CACNA1C: variants seen among roughly 807,000 people sequenced by gnomAD.
CACNA1C encodes the protein calcium voltage-gated channel subunit alpha1 C.
CACNA1C carries 30 observed loss-of-function variants against 229.0 expected under a neutral mutation model. That is an observed-to-expected ratio of 0.13 (90% confidence interval 0.10 to 0.18). The LOEUF (loss-of-function observed/expected upper bound fraction) is 0.18, where lower values mean the gene tolerates loss of function less well. Among genes scored for constraint, CACNA1C ranks in the 10% least tolerant of loss-of-function variants. The probability of loss-of-function intolerance (pLI) is 1.00; values close to 1 mark genes in which losing one functional copy is unlikely to be tolerated. For synonymous variants in CACNA1C, 1,114 were observed against 1,132.5 expected (o/e 0.98, Z 0.33); for missense variants, 1,658 against 2,845.0 (o/e 0.58, Z 9.49).
intron 1 of CACNA1C, among the ~76,000 whole-genome samples, chr12:2,056,195 GA>G (rs1261646696): frequency 2.0e-5 from 2 of 102,510 alleles, no homozygotes; most frequent in Non-Finnish European, 3.9e-5. Context: ...GAGTGTGTGT[GA>G]GTGTGTGTGT....
intron 13 of CACNA1C, among the ~76,000 whole-genome samples, chr12:2,572,869 T>C (rs1180392354): frequency 4.7e-5 from 4 of 84,494 alleles, no homozygotes; most frequent in African/African-American, 9.2e-5. Context: ...TCCTCCTCCT[T>C]CTCTTCTTCT....
chr12:2,016,246 T>A (rs1391307220), intron 1 of CACNA1C, among the ~76,000 whole-genome samples: 1 of 152,154 alleles, frequency 6.6e-6, no homozygotes, highest in Admixed American at 6.5e-5. Flanking sequence ...GCCAAGTACT[T>A]ATCAGGTCCC....
chr12:2,393,705 C>G (rs145371261), intron 3 of CACNA1C, among the ~76,000 whole-genome samples: 1 of 152,304 alleles, frequency 6.6e-6, no homozygotes, highest in Non-Finnish European at 1.5e-5. Flanking sequence ...TGGTTTAAAT[C>G]CTTGGCAGGT....
chr12:2,478,924 C>G (rs974749956), intron 5 of CACNA1C, among the ~76,000 whole-genome samples: 1 of 152,214 alleles, frequency 6.6e-6, no homozygotes, highest in African/African-American at 2.4e-5. Context: ...GAACCTTGAT[C>G]ATCTGGGGAA....
intron 1 of CACNA1C, among the ~76,000 whole-genome samples, chr12:2,077,267 C>T (rs2063549998): frequency 1.3e-5 from 2 of 152,238 alleles, no homozygotes; most frequent in African/African-American, 4.8e-5. Context: ...AGGGTTCAGA[C>T]TTTGCAATTG....
chr12:2,633,551 C>G lies in CACNA1C; in HGVS notation c.3829-746C>G, dbSNP rs1237810744. 3.5e-6 allele frequency: 3 copies of G among 863,010 alleles called. No individual in the cohort carries two copies. The highest frequency in any genetic ancestry group is 5.9e-6 in the Non-Finnish European group (3 of 505,180). 53.5% of individuals were successfully genotyped at this position (863,010 alleles called of 1,614,324 possible). On this transcript the variant is annotated intron_variant, in intron 29 of 46. Coordinates refer to ENST00000399655, the MANE Select transcript of CACNA1C (RefSeq NM_000719.7). The surrounding 1 kb of genome is among the most constrained non-coding windows in gnomAD (Gnocchi z 5.8). ...ACACGGAGGTGCCTGGACGATGATT[C>G]TGATGGTGGTGTTGCTCTGTTCTTG... is the stretch of plus-strand genomic sequence containing the variant.
rs1199719437 is a variant in CACNA1C at position 2,597,429 on chromosome 12, T to A, written c.2853+140T>A. 1 of 1,604,832 alleles carries A rather than the reference T, an allele frequency of 6.2e-7. No individual in the cohort carries two copies. The highest frequency in any genetic ancestry group is 1.7e-5 in the Admixed American group (1 of 59,998). ...AGAGCCACTAATCCAATTATGCTTATTTTTCAGATCCTAGGCAATGCAGAC... is the reference window on the plus strand; with the variant it reads ...AGAGCCACTAATCCAATTATGCTTAATTTTCAGATCCTAGGCAATGCAGAC... On this transcript the variant is annotated intron_variant, in intron 21 of 46. Transcript: ENST00000399655. The surrounding 1 kb of genome is among the most constrained non-coding windows in gnomAD (Gnocchi z 4.3).
chr12:2,110,894 A>G (rs575964314), intron 1 of CACNA1C, among the ~76,000 whole-genome samples: 98 of 136,074 alleles, frequency 7.2e-4, no homozygotes, highest in Middle Eastern at 4.1e-3. Context: ...TACTTGGAGA[A>G]GGGGAGGCCC....
At chr12:2,622,174 G>T (rs1347936977) in intron 29 of CACNA1C, among the ~76,000 whole-genome samples, 2 of 152,170 alleles carry the variant, frequency 1.3e-5, no homozygotes, top group African/African-American at 4.8e-5. Flanking sequence ...GAAAGAAACG[G>T]TCCTCCAGGC....
At chr12:2,606,548 A>C (rs2075439649) in intron 24 of CACNA1C, 63 bp from the exon 25 acceptor site, 1 of 1,364,876 alleles carries the variant, frequency 7.3e-7, no homozygotes, top group South Asian at 1.2e-5. Flanking sequence ...ATGCTCACTA[A>C]TTGCTTTTGG....
rs1448394760 is a variant in CACNA1C, at chr12:2,501,642, T to A, written c.1114-3200T>A. On this transcript the variant is annotated intron_variant, in intron 7 of 46. Coordinates refer to ENST00000399655, the MANE Select transcript of CACNA1C (RefSeq NM_000719.7). ...GGTCAGGCAGCTCATGTGGCTCTCA[T>A]GCCTTTCTCTCCCTAATCTCATGTC... Among the ~76,000 whole-genome samples the A allele has an allele frequency of 2.6e-5, 4 of 152,256 alleles. No individual in the cohort carries two copies. The East Asian group carries it at 7.7e-4, about 29-fold the overall frequency.
At chr12:2,603,963 G>A (rs1406839961) in intron 22 of CACNA1C, among the ~76,000 whole-genome samples, 3 of 152,188 alleles carry the variant, frequency 2.0e-5, no homozygotes, top group Non-Finnish European at 4.4e-5. Flanking sequence ...TGAATGGACC[G>A]AGTGGGGAAC....
At chr12:2,291,070 A>G (rs2093449079) in intron 3 of CACNA1C, among the ~76,000 whole-genome samples, 1 of 152,200 alleles carries the variant, frequency 6.6e-6, no homozygotes, top group South Asian at 2.1e-4. Flanking sequence ...GCTGAGTCCT[A>G]GCTCCTTTGT....
chr12:2,129,464 G>A (rs2154168511), intron 3 of CACNA1C, among the ~76,000 whole-genome samples: 1 of 152,280 alleles, frequency 6.6e-6, no homozygotes, highest in East Asian at 1.9e-4. Flanking sequence ...GACACCTCTT[G>A]CTCCAGTTTT....
intron 31 of CACNA1C, among the ~76,000 whole-genome samples, chr12:2,650,543 C>T (rs16929809): frequency 0.58 from 88,063 of 151,942 alleles, 29,028 homozygotes; most frequent in Non-Finnish European, 0.73. Context: ...GCACTAGCTC[C>T]GGATTTGGCA....
In CACNA1C at chr12:2,149,562, C is replaced by T. The variant is rs117840950; in HGVS notation, c.477+29132C>T. Among the ~76,000 whole-genome samples, 1,322 of 152,322 alleles carry T rather than the reference C, an allele frequency of 8.7e-3. 14 individuals are homozygous for T. Among genetic ancestry groups the T allele is most frequent in the Non-Finnish European group, 0.014 (950 of 68,018 alleles). On this transcript the variant is annotated intron_variant, in intron 3 of 46. Coordinates refer to ENST00000399655, the MANE Select transcript of CACNA1C (RefSeq NM_000719.7). Reference sequence around the variant, plus strand: ...AGTAGAGAGTGGGCTACTGACTTTTCTGGTTTTCAACAGTATCTTATTTTT... The same window carrying T: ...AGTAGAGAGTGGGCTACTGACTTTTTTGGTTTTCAACAGTATCTTATTTTT...
At chr12:2,026,087 A>G (rs771668719) in intron 1 of CACNA1C, among the ~76,000 whole-genome samples, 24 of 152,222 alleles carry the variant, frequency 1.6e-4, no homozygotes, top group Non-Finnish European at 2.6e-4. Flanking sequence ...TTATTGGCCT[A>G]TTCAGTGGTG....
At chr12:2,105,772 C>G (rs10848614) in intron 1 of CACNA1C, among the ~76,000 whole-genome samples, 50 of 106,326 alleles carry the variant, frequency 4.7e-4, no homozygotes, top group African/African-American at 5.9e-4. Flanking sequence ...GCTGGGCGTC[C>G]TGAAGCCACT....
intron 3 of CACNA1C, among the ~76,000 whole-genome samples, chr12:2,329,563 G>A (rs2096469899): frequency 2.0e-5 from 3 of 152,132 alleles, no homozygotes; most frequent in African/African-American, 4.8e-5. Context: ...GCTCTATCCC[G>A]ACTTGTCACT....
Sources: allele counts gnomAD v4.1 joint callset (sites outside exome capture counted in the v4.1 genomes callset), GRCh38; gene constraint gnomAD v4.1.1; non-coding constraint Gnocchi (gnomAD v3.1); transcripts MANE v1.5; gene names NCBI Gene and HGNC (gene_info 2026-07-23, HGNC 2026-07-21).